Variants in KCNQ3 observed in about 807,000 individuals in gnomAD.
KCNQ3 encodes the protein potassium voltage-gated channel subfamily Q member 3, also known as potassium voltage-gated channel subfamily KQT member 3.
KCNQ3 carries 30 observed loss-of-function variants against 92.5 expected under a neutral mutation model. The observed-to-expected ratio is 0.32, with a 90% CI of 0.24 to 0.44. KCNQ3 has a LOEUF of 0.44. Among genes scored for constraint, KCNQ3 ranks in the 20% least tolerant of loss-of-function variants. The pLI is 1.00. For missense variants in KCNQ3, 913 were observed against 1,140.3 expected, an observed-to-expected ratio of 0.80 and a Z score of 2.87; for synonymous variants, 450 against 468.8, an observed-to-expected ratio of 0.96 and a Z score of 0.52.
intron 1 of KCNQ3, among the ~76,000 whole-genome samples, chr8:132,340,122 C>A (rs574908862): frequency 1.1e-4 from 17 of 152,078 alleles, no homozygotes; most frequent in African/African-American, 2.7e-4. Flanking sequence ...CAGATGCTGG[C>A]GAGGCTGTGG....
At chr8:132,386,628 T>TA (rs777481006) in intron 1 of KCNQ3, among the ~76,000 whole-genome samples, 1 of 152,156 alleles carries the variant, frequency 6.6e-6, no homozygotes, top group South Asian at 2.1e-4. Flanking sequence ...AAATAATTCT[T>TA]ACCATATTAA....
chr8:132,352,386 A>G (rs754339270), intron 1 of KCNQ3, among the ~76,000 whole-genome samples: 12 of 152,110 alleles, frequency 7.9e-5, no homozygotes, highest in Non-Finnish European at 1.2e-4. Context: ...TAAACATTCT[A>G]CAATGCACAG....
chr8:132,132,188 C>T lies in KCNQ3; in HGVS notation c.1876G>A (p.Glu626Lys). 6.2e-7 allele frequency: 1 copy of T among 1,608,318 alleles called. No homozygotes were observed. The highest frequency in any genetic ancestry group is 8.5e-7 in the Non-Finnish European group (1 of 1,174,752). ...AGGAAGAAAAGACTTACCTGTCTTTCAACTTTTACAAACTTCCCCATCATG... is the reference window on the plus strand; with the variant it reads ...AGGAAGAAAAGACTTACCTGTCTTTTAACTTTTACAAACTTCCCCATCATG... ...QSMMGKFVKV[E>K]RQVQDMGKKL... is the part of the protein sequence containing the mutation. Residue 626 changes from glutamate to lysine, a missense_variant, in exon 14 of 15, where the codon GAA becomes AAA. Transcript: ENST00000388996.
intron 1 of KCNQ3, among the ~76,000 whole-genome samples, chr8:132,467,619 T>C (rs987214657): frequency 6.6e-6 from 1 of 152,188 alleles, no homozygotes; most frequent in African/African-American, 2.4e-5. Flanking sequence ...CCGACCTGCG[T>C]TTACTCCTCC....
chr8:132,247,873 A>C (rs981706349), intron 1 of KCNQ3, among the ~76,000 whole-genome samples: 3 of 152,154 alleles, frequency 2.0e-5, no homozygotes, highest in African/African-American at 7.2e-5. Context: ...TAGCAGTAAC[A>C]AACACTTACG....
chr8:132,308,294 G>A (rs1010071118), intron 1 of KCNQ3, among the ~76,000 whole-genome samples: 12 of 152,058 alleles, frequency 7.9e-5, no homozygotes, highest in Non-Finnish European at 7.4e-5. Context: ...CTGCCTTCCC[G>A]AAGCCTGAAC....
At chr8:132,224,135 A>T (rs1329538628) in intron 1 of KCNQ3, among the ~76,000 whole-genome samples, 1 of 105,388 alleles carries the variant, frequency 9.5e-6, no homozygotes, top group Non-Finnish European at 1.7e-5. Context: ...GGGTGTTGCT[A>T]TGTTGTCAGG....
intron 1 of KCNQ3, among the ~76,000 whole-genome samples, chr8:132,475,328 T>C (rs1449192581): frequency 6.6e-6 from 1 of 152,134 alleles, no homozygotes; most frequent in Non-Finnish European, 1.5e-5. Flanking sequence ...GTTGGGACAG[T>C]CTAGAGGGCT....
chr8:132,169,827 G>T (rs747701400), intron 8 of KCNQ3, among the ~76,000 whole-genome samples: 1 of 152,038 alleles, frequency 6.6e-6, no homozygotes, highest in South Asian at 2.1e-4. Context: ...TTAGCTTGAG[G>T]TGTGGCCTAG....
At chr8:132,131,758 G>C (rs188815196) in intron 14 of KCNQ3, among the ~76,000 whole-genome samples, 1 of 152,178 alleles carries the variant, frequency 6.6e-6, no homozygotes, top group Non-Finnish European at 1.5e-5. Context: ...TTGAATGGTA[G>C]GTAGTAGTAC....
intron 1 of KCNQ3, among the ~76,000 whole-genome samples, chr8:132,233,014 G>A (rs1318684736): frequency 6.6e-6 from 1 of 152,210 alleles, no homozygotes; most frequent in African/African-American, 2.4e-5. Flanking sequence ...CTAAGCTGCT[G>A]AACAAATATC....
rs563564763 is a variant in KCNQ3, at chr8:132,141,301, G to A, written c.1293C>T (p.Arg431=). ...TATTGCTACCACGAGGATTAGAAAG[G>A]CGAACCCGATCCAAGAGACCCAGCT... The part of the protein sequence containing the change: ...SQKLGLLDRV[R]LSNPRGSNTK... The change falls in exon 10 of 15, where the codon CGC becomes CGT. Residue 431 remains arginine (R), a synonymous_variant. Coordinates refer to ENST00000388996, the MANE Select transcript of KCNQ3 (RefSeq NM_004519.4). The A allele has an allele frequency of 6.8e-5, 110 of 1,614,130 alleles. 1 individual carries two copies. In the South Asian group the frequency reaches 9.8e-4, roughly 14 times the overall value.
intron 1 of KCNQ3, among the ~76,000 whole-genome samples, chr8:132,263,642 C>A (rs1815863603): frequency 6.6e-6 from 1 of 152,158 alleles, no homozygotes; most frequent in African/African-American, 2.4e-5. Flanking sequence ...TAAGTGACTG[C>A]AGAAACAAAG....
intron 1 of KCNQ3, among the ~76,000 whole-genome samples, chr8:132,392,706 C>T (rs537026373): frequency 1.1e-3 from 152 of 139,928 alleles, no homozygotes; most frequent in Non-Finnish European, 1.7e-3. Context: ...GAGGCTGAGG[C>T]GGGAGGATCA....
intron 9 of KCNQ3, among the ~76,000 whole-genome samples, chr8:132,146,793 T>C (rs1825463937): frequency 6.6e-6 from 1 of 152,170 alleles, no homozygotes; most frequent in African/African-American, 2.4e-5. Flanking sequence ...TTTGCCATGC[T>C]GGCCAGATTA....
At chr8:132,353,674 C>T (rs528127322) in intron 1 of KCNQ3, among the ~76,000 whole-genome samples, 74 of 152,088 alleles carry the variant, frequency 4.9e-4, no homozygotes, top group African/African-American at 1.5e-3. Context: ...ATTAGCTGGG[C>T]GTGGTGGCGC....
intron 1 of KCNQ3, among the ~76,000 whole-genome samples, chr8:132,299,478 G>T (rs925851480): frequency 6.6e-6 from 1 of 152,132 alleles, no homozygotes. Flanking sequence ...ACCCACGGGG[G>T]ATGTTTGCTA....
rs535277102 is a variant in KCNQ3, at chr8:132,466,105, G to A, written c.386+14042C>T. On this transcript the variant is annotated intron_variant, in intron 1 of 14. Coordinates refer to ENST00000388996, the MANE Select transcript of KCNQ3 (RefSeq NM_004519.4). ...TGCTTCTGAGAACACTATAATTCCA[G>A]CATATAGTAACAGCTTAGAAAGTTT... 5.9e-5 allele frequency among the ~76,000 whole-genome samples: 9 copies of A among 152,176 alleles called. No individual in the cohort carries two copies. The South Asian group carries it at 1.7e-3, about 28-fold the overall frequency.
At chr8:132,424,837 C>T (rs942778708) in intron 1 of KCNQ3, among the ~76,000 whole-genome samples, 3 of 152,232 alleles carry the variant, frequency 2.0e-5, no homozygotes, top group Non-Finnish European at 4.4e-5. Flanking sequence ...ATCCCCCTCT[C>T]TCCATGTGTC....
Sources: gnomAD v4.1 joint callset for allele counts (sites outside exome capture counted in the v4.1 genomes callset) on GRCh38, gnomAD v4.1.1 for gene constraint, MANE v1.5 for transcripts, NCBI Gene and HGNC (gene_info 2026-07-23, HGNC 2026-07-21) for gene names.